The following TMEM135 variants were observed in gnomAD, a reference collection of about 807,000 sequenced individuals.
TMEM135 encodes transmembrane protein 135, also known as peroxisomal membrane protein 52.
TMEM135 carries 30 observed loss-of-function variants against 60.3 expected under a neutral mutation model. The ratio of observed to expected loss-of-function variants is 0.50; its 90% CI spans 0.37 to 0.68. The LOEUF (loss-of-function observed/expected upper bound fraction) is 0.68. TMEM135 is among the 30% of genes least tolerant of loss of function. The probability of loss-of-function intolerance (pLI) is 0.00; values close to 1 mark genes in which losing one functional copy is unlikely to be tolerated. For synonymous variants in TMEM135, 190 were observed against 186.7 expected (o/e 1.02, Z -0.14); for missense variants, 468 against 548.8 (o/e 0.85, Z 1.47).
At chr11:87,180,360 C>G (rs988905426) in intron 5 of TMEM135, among the ~76,000 whole-genome samples, 1 of 152,092 alleles carries the variant, frequency 6.6e-6, no homozygotes, top group Non-Finnish European at 1.5e-5. Flanking sequence ...TTTTTCCCCC[C>G]TTTCTTGCCA....
intron 4 of TMEM135, among the ~76,000 whole-genome samples, chr11:87,130,700 A>G (rs1012218670): frequency 5.9e-5 from 9 of 151,946 alleles, no homozygotes; most frequent in Admixed American, 3.9e-4. Flanking sequence ...CTGGGTCTTG[A>G]TAAGTTGCCC....
At chr11:87,046,666 T>C (rs1481910957) in intron 1 of TMEM135, among the ~76,000 whole-genome samples, 3 of 152,220 alleles carry the variant, frequency 2.0e-5, no homozygotes, top group Admixed American at 1.3e-4. Flanking sequence ...TAGGTTTATA[T>C]GTCCTAATCC....
intron 6 of TMEM135, among the ~76,000 whole-genome samples, chr11:87,285,092 A>C (rs1418124644): frequency 1.3e-5 from 2 of 152,240 alleles, no homozygotes; most frequent in Non-Finnish European, 2.9e-5. Context: ...TAAAAGTCTG[A>C]AAGTAATTTC....
intron 4 of TMEM135, among the ~76,000 whole-genome samples, chr11:87,125,338 T>C (rs1447590748): frequency 6.6e-6 from 1 of 152,110 alleles, no homozygotes; most frequent in East Asian, 1.9e-4. Flanking sequence ...AGGTAGAAAA[T>C]AAGCAGGGTA....
At chr11:87,219,484 G>A (rs529286751) in intron 5 of TMEM135, among the ~76,000 whole-genome samples, 3 of 152,174 alleles carry the variant, frequency 2.0e-5, no homozygotes, top group East Asian at 1.9e-4. Flanking sequence ...GGGGGAGAGA[G>A]CCAGGGAGAG....
At chr11:87,038,609 C>CTTTTTTTTTTT in intron 1 of TMEM135, among the ~76,000 whole-genome samples, 1 of 113,930 alleles carries the variant, frequency 8.8e-6, no homozygotes, top group Non-Finnish European at 1.8e-5. Context: ...TTTTATTTTG[C>CTTTTTTTTTTT]TTTTTTTTTT....
At chr11:87,126,374 C>A (rs938408180) in intron 4 of TMEM135, among the ~76,000 whole-genome samples, 1 of 151,856 alleles carries the variant, frequency 6.6e-6, no homozygotes, top group African/African-American at 2.4e-5. Context: ...ATTAAAATTA[C>A]TTCACTTTTA....
intron 5 of TMEM135, among the ~76,000 whole-genome samples, chr11:87,202,435 C>T (rs1357866460): frequency 6.6e-6 from 1 of 152,148 alleles, no homozygotes; most frequent in Non-Finnish European, 1.5e-5. Flanking sequence ...AAGTTATCCT[C>T]CCACCTCAGC....
At chr11:87,219,915 G>C (rs577935365) in intron 5 of TMEM135, among the ~76,000 whole-genome samples, 2 of 152,220 alleles carry the variant, frequency 1.3e-5, no homozygotes, top group East Asian at 3.9e-4. Flanking sequence ...CATTCATGCT[G>C]TAGTCACTAC....
At chr11:87,155,032 C>T (rs1184601145) in intron 4 of TMEM135, among the ~76,000 whole-genome samples, 1 of 78,788 alleles carries the variant, frequency 1.3e-5, no homozygotes, top group Non-Finnish European at 2.5e-5. Flanking sequence ...GAGTTTCACT[C>T]TTGTTGCCCA....
At chr11:87,205,245 G>A (rs901810052) in intron 5 of TMEM135, among the ~76,000 whole-genome samples, 4 of 152,074 alleles carry the variant, frequency 2.6e-5, no homozygotes, top group African/African-American at 9.7e-5. Flanking sequence ...TGAAACATAC[G>A]GTTGTTTTAT....
chr11:87,106,031 C>G (rs1341575640), intron 4 of TMEM135, among the ~76,000 whole-genome samples: 1 of 152,000 alleles, frequency 6.6e-6, no homozygotes, highest in Non-Finnish European at 1.5e-5. Flanking sequence ...TGATGTTTAT[C>G]TTTTGTGCCT....
At chr11:87,277,757 G>A (rs1347651474) in intron 6 of TMEM135, among the ~76,000 whole-genome samples, 1 of 151,684 alleles carries the variant, frequency 6.6e-6, no homozygotes, top group Non-Finnish European at 1.5e-5. Flanking sequence ...CCTAACCTTA[G>A]GTGATCTGCC....
intron 4 of TMEM135, among the ~76,000 whole-genome samples, chr11:87,130,825 A>C (rs561222972): frequency 6.6e-6 from 1 of 152,212 alleles, no homozygotes; most frequent in East Asian, 1.9e-4. Flanking sequence ...AAAATGAGTT[A>C]AATTCAAATT....
chr11:87,146,284 G>A (rs1046037231), intron 4 of TMEM135, among the ~76,000 whole-genome samples: 2 of 152,196 alleles, frequency 1.3e-5, no homozygotes, highest in African/African-American at 4.8e-5. Context: ...AGGAGGCTGA[G>A]GCAGGAGGAT....
chr11:87,166,509 A>C (rs1007402769), intron 5 of TMEM135, among the ~76,000 whole-genome samples: 1 of 151,668 alleles, frequency 6.6e-6, no homozygotes, highest in African/African-American at 2.4e-5. Context: ...GTCCAGTTTC[A>C]GTTTTCTGCA....
At chr11:87,153,319 T>TATGATCC (rs1478083039) in intron 4 of TMEM135, among the ~76,000 whole-genome samples, 7 of 152,214 alleles carry the variant, frequency 4.6e-5, no homozygotes, top group African/African-American at 1.7e-4. Flanking sequence ...ACATGCCAAG[T>TATGATCC]ATGATCCTAC....
At chr11:87,198,987 C>T (rs547729075) in intron 5 of TMEM135, among the ~76,000 whole-genome samples, 28 of 152,148 alleles carry the variant, frequency 1.8e-4, no homozygotes, top group South Asian at 6.2e-4. Context: ...GTACAAAATG[C>T]CATGGAAATT....
chr11:87,247,992 A>G (rs549493742), intron 6 of TMEM135, among the ~76,000 whole-genome samples: 7 of 150,124 alleles, frequency 4.7e-5, no homozygotes, highest in Non-Finnish European at 8.9e-5. Flanking sequence ...CTATTCAGCC[A>G]TCTTGGCTGC....
Sources: gnomAD v4.1 joint callset for allele counts (sites outside exome capture counted in the v4.1 genomes callset) on GRCh38, gnomAD v4.1.1 for gene constraint, MANE v1.5 for transcripts, NCBI Gene and HGNC (gene_info 2026-07-23, HGNC 2026-07-21) for gene names.